The following ABTB3 variants were observed in gnomAD, a reference collection of about 807,000 sequenced individuals.
ABTB3 encodes ankyrin repeat and BTB domain containing 3.
the ABTB3 span, among the ~76,000 whole-genome samples, chr12:107,480,684 G>A: frequency 2.6e-5 from 4 of 152,138 alleles, no homozygotes; most frequent in Admixed American, 6.5e-5. Flanking sequence ...AGGACTCCTC[G>A]ACATTGTATG....
At chr12:107,417,638 A>T in the ABTB3 span, among the ~76,000 whole-genome samples, 1 of 152,238 alleles carries the variant, frequency 6.6e-6, no homozygotes, top group Non-Finnish European at 1.5e-5. Context: ...TGTATCCCGT[A>T]GGGAGAATAA....
At chr12:107,379,698 C>T in the ABTB3 span, among the ~76,000 whole-genome samples, 4 of 152,184 alleles carry the variant, frequency 2.6e-5, no homozygotes, top group Non-Finnish European at 5.9e-5. Flanking sequence ...CAATATTAAT[C>T]ATTACCCACT....
the ABTB3 span, among the ~76,000 whole-genome samples, chr12:107,537,722 A>G: frequency 6.6e-6 from 1 of 152,112 alleles, no homozygotes; most frequent in Non-Finnish European, 1.5e-5. Flanking sequence ...GGGACAGTGG[A>G]GGCCAAGTCT....
the ABTB3 span, among the ~76,000 whole-genome samples, chr12:107,623,691 A>G: frequency 6.6e-6 from 1 of 152,032 alleles, no homozygotes; most frequent in Admixed American, 6.6e-5. Flanking sequence ...CTAACACATC[A>G]TTCCCCTGGG....
chr12:107,424,885 G>A, the ABTB3 span, among the ~76,000 whole-genome samples: 8 of 152,264 alleles, frequency 5.3e-5, 1 homozygote, highest in South Asian at 1.4e-3. Flanking sequence ...ACGCCTGTTA[G>A]GTTTGCCTGA....
At chr12:107,484,714 C>T in the ABTB3 span, among the ~76,000 whole-genome samples, 1 of 151,924 alleles carries the variant, frequency 6.6e-6, no homozygotes, top group African/African-American at 2.4e-5. Context: ...TAATCTCAGT[C>T]AGCAATGAAG....
At chr12:107,514,864 C>T in the ABTB3 span, among the ~76,000 whole-genome samples, 1 of 151,808 alleles carries the variant, frequency 6.6e-6, no homozygotes, top group African/African-American at 2.4e-5. Context: ...GAAATAATTC[C>T]AAGGGAAATT....
chr12:107,344,066 A>T, the ABTB3 span, among the ~76,000 whole-genome samples: 1 of 152,160 alleles, frequency 6.6e-6, no homozygotes, highest in Non-Finnish European at 1.5e-5. Context: ...CAGCCTTAAC[A>T]CATGGATTCC....
chr12:107,529,259 C>G, the ABTB3 span, among the ~76,000 whole-genome samples: 92 of 84,822 alleles, frequency 1.1e-3, no homozygotes, highest in East Asian at 1.9e-3. Flanking sequence ...TGATGGTGGT[C>G]ATGTTGATGA....
the ABTB3 span, among the ~76,000 whole-genome samples, chr12:107,328,688 G>A: frequency 6.6e-6 from 1 of 152,302 alleles, no homozygotes; most frequent in Middle Eastern, 3.4e-3. Context: ...CTGAAGCTCA[G>A]AAAAGTTCAG....
chr12:107,460,217 G>T, the ABTB3 span, among the ~76,000 whole-genome samples: 1 of 152,236 alleles, frequency 6.6e-6, no homozygotes, highest in Admixed American at 6.5e-5. Flanking sequence ...TTCTAGCCCA[G>T]CTCTGCATTC....
chr12:107,332,017 T>G, the ABTB3 span, among the ~76,000 whole-genome samples: 1 of 152,224 alleles, frequency 6.6e-6, no homozygotes, highest in African/African-American at 2.4e-5. Flanking sequence ...GCTGGCACCT[T>G]CACAGCCTCT....
chr12:107,620,897 G>A, the ABTB3 span, among the ~76,000 whole-genome samples: 1 of 152,204 alleles, frequency 6.6e-6, no homozygotes, highest in South Asian at 2.1e-4. Flanking sequence ...CAGGGCCCCA[G>A]CACCAGCCCT....
the ABTB3 span, chr12:107,320,769 C>A: frequency 2.3e-6 from 1 of 438,572 alleles, no homozygotes; most frequent in South Asian, 1.6e-5. Flanking sequence ...CCTCCCAGCT[C>A]TTGGCCTCTC....
chr12:107,575,396 G>A, the ABTB3 span, among the ~76,000 whole-genome samples: 1 of 152,104 alleles, frequency 6.6e-6, no homozygotes, highest in Non-Finnish European at 1.5e-5. Context: ...CAGGCGCCAC[G>A]CTAAGTACAT....
At chr12:107,636,296 T>C in the ABTB3 span, among the ~76,000 whole-genome samples, 46 of 152,286 alleles carry the variant, frequency 3.0e-4, no homozygotes, top group African/African-American at 1.0e-3. Flanking sequence ...TTAGGCTGCT[T>C]TGAGGCCTGA....
At chr12:107,568,550 T>G in the ABTB3 span, among the ~76,000 whole-genome samples, 1 of 152,190 alleles carries the variant, frequency 6.6e-6, no homozygotes, top group South Asian at 2.1e-4. Flanking sequence ...AGTTAAAATT[T>G]TAGTTCTTCA....
chr12:107,453,534 T>C, the ABTB3 span, among the ~76,000 whole-genome samples: 1 of 152,234 alleles, frequency 6.6e-6, no homozygotes, highest in Non-Finnish European at 1.5e-5. Context: ...ACAAATCTGC[T>C]GGTGCCTTGG....
chr12:107,468,981 A>G, the ABTB3 span, among the ~76,000 whole-genome samples: 2 of 152,164 alleles, frequency 1.3e-5, no homozygotes, highest in Non-Finnish European at 2.9e-5. Flanking sequence ...CAGAGGTTCG[A>G]TAAATAACAC....
Sources: gnomAD v4.1 joint callset for allele counts (sites outside exome capture counted in the v4.1 genomes callset) on GRCh38, gnomAD v4.1.1 for gene constraint, MANE v1.5 for transcripts, NCBI Gene and HGNC (gene_info 2026-07-23, HGNC 2026-07-21) for gene names.